CNBD1: variants seen among roughly 807,000 people sequenced by gnomAD.
CNBD1 encodes cyclic nucleotide-binding domain-containing protein 1.
CNBD1 carries 71 observed loss-of-function variants against 54.4 expected under a neutral mutation model. The ratio of observed to expected loss-of-function variants is 1.30; its 90% CI spans 1.08 to 1.59. The LOEUF (loss-of-function observed/expected upper bound fraction) is 1.59. Ranked by LOEUF, CNBD1 falls within the 40% of genes most tolerant of loss-of-function variation. The pLI is 0.00. For missense variants in CNBD1, 659 were observed against 518.0 expected, an observed-to-expected ratio of 1.27 and a Z score of -2.64; for synonymous variants, 182 against 170.7, an observed-to-expected ratio of 1.07 and a Z score of -0.51.
At chr8:87,425,124 G>C (rs1299990304) in intron 2 of CNBD1, among the ~76,000 whole-genome samples, 1 of 151,934 alleles carries the variant, frequency 6.6e-6, no homozygotes. Context: ...GGCTCCTGAG[G>C]CTTCTGCATT....
At chr8:87,211,740 C>T (rs1285849985) in intron 5 of CNBD1, among the ~76,000 whole-genome samples, 1 of 152,198 alleles carries the variant, frequency 6.6e-6, no homozygotes, top group African/African-American at 2.4e-5. Context: ...CTGCCATGCT[C>T]ATGCAGCCTG....
intron 4 of CNBD1, among the ~76,000 whole-genome samples, chr8:87,083,670 G>T: frequency 6.8e-6 from 1 of 146,416 alleles, no homozygotes; most frequent in East Asian, 2.0e-4. Context: ...CTAAGTGCAA[G>T]CTCCGCCTCC....
At chr8:87,421,655 T>G (rs1301448366) in intron 2 of CNBD1, among the ~76,000 whole-genome samples, 1 of 151,872 alleles carries the variant, frequency 6.6e-6, no homozygotes, top group Non-Finnish European at 1.5e-5. Flanking sequence ...GTGCCACATT[T>G]TCTTAATCCA....
At chr8:87,266,588 A>AT (rs1162535609) in intron 6 of CNBD1, among the ~76,000 whole-genome samples, 1 of 151,374 alleles carries the variant, frequency 6.6e-6, no homozygotes, top group African/African-American at 2.4e-5. Flanking sequence ...AGTAGCTGGG[A>AT]TTACAGGCGT....
intron 4 of CNBD1, among the ~76,000 whole-genome samples, chr8:87,078,611 G>A (rs1352842310): frequency 6.6e-6 from 1 of 152,118 alleles, no homozygotes; most frequent in Non-Finnish European, 1.5e-5. Flanking sequence ...CCATTTACGA[G>A]GAGTTTGCTG....
At chr8:87,075,366 T>G (rs1236070534) in intron 4 of CNBD1, among the ~76,000 whole-genome samples, 1 of 152,180 alleles carries the variant, frequency 6.6e-6, no homozygotes, top group African/African-American at 2.4e-5. Context: ...CCCACTGGTC[T>G]TAAAGCTCAA....
At chr8:87,126,482 T>A (rs1407976761) in intron 4 of CNBD1, among the ~76,000 whole-genome samples, 1 of 152,074 alleles carries the variant, frequency 6.6e-6, no homozygotes, top group Non-Finnish European at 1.5e-5. Context: ...CTTATGTCCA[T>A]TTGTTTTTTA....
chr8:87,426,286 G>T (rs193278449), intron 2 of CNBD1, among the ~76,000 whole-genome samples: 3 of 152,322 alleles, frequency 2.0e-5, no homozygotes, highest in Non-Finnish European at 1.5e-5. Flanking sequence ...CTTCTGCGTC[G>T]CTCAGGCTGG....
At chr8:87,017,866 T>G in intron 4 of CNBD1, among the ~76,000 whole-genome samples, 1 of 152,198 alleles carries the variant, frequency 6.6e-6, no homozygotes, top group East Asian at 1.9e-4. Context: ...TAATAATTTT[T>G]TAAAAAACAA....
intron 5 of CNBD1, 112 bp from the exon 6 acceptor site, chr8:87,236,807 T>C (rs1586353476): frequency 3.5e-6 from 2 of 576,912 alleles, no homozygotes; most frequent in East Asian, 5.7e-5. Flanking sequence ...TGTTACAGAA[T>C]ACACTGAAAG....
At chr8:87,095,052 G>A (rs1398501262) in intron 4 of CNBD1, among the ~76,000 whole-genome samples, 1 of 152,134 alleles carries the variant, frequency 6.6e-6, no homozygotes, top group Non-Finnish European at 1.5e-5. Flanking sequence ...AAAAAACAAA[G>A]TAATAATTTA....
At position 86,951,581 on chromosome 8, in the gene CNBD1, C is replaced by CAAAAAAAAAAAAAAAAAAAAAAAAAAA. The variant is rs71275901; in HGVS notation, c.431+11839_431+11865dup. On this transcript the variant is annotated intron_variant, in intron 4 of 10. Transcript: ENST00000518476. ...GGTGACAGAGCGAGGCTCCGTCTCA[C>CAAAAAAAAAAAAAAAAAAAAAAAAAAA]AAAAAAAAAAAAAAAAAAAAAAAAA... 4.3e-4 allele frequency among the ~76,000 whole-genome samples: 16 copies of CAAAAAAAAAAAAAAAAAAAAAAAAAAA among 37,360 alleles called. 6 individuals are homozygous for CAAAAAAAAAAAAAAAAAAAAAAAAAAA. The highest frequency in any genetic ancestry group is 1.8e-3 in the East Asian group (2 of 1,124). 24.5% of individuals were successfully genotyped at this position (37,360 alleles called of 152,430 possible).
chr8:86,902,046 T>G (rs1808946603), intron 2 of CNBD1, among the ~76,000 whole-genome samples: 1 of 152,166 alleles, frequency 6.6e-6, no homozygotes, highest in African/African-American at 2.4e-5. Flanking sequence ...TAATTTAAAC[T>G]TTATATGCAT....
intron 8 of CNBD1, among the ~76,000 whole-genome samples, chr8:87,342,852 G>A (rs1320846323): frequency 1.3e-5 from 2 of 152,114 alleles, no homozygotes; most frequent in African/African-American, 4.8e-5. Flanking sequence ...CACTGTGCAC[G>A]CATTGTCTTG....
At chr8:87,349,016 C>A (rs1810229184) in intron 8 of CNBD1, among the ~76,000 whole-genome samples, 1 of 152,082 alleles carries the variant, frequency 6.6e-6, no homozygotes, top group Non-Finnish European at 1.5e-5. Flanking sequence ...TGATAAGGGT[C>A]TTTAAATATT....
Position 86,900,245 on chromosome 8 carries a change from C to T in CNBD1, c.159-4836C>T, listed in dbSNP as rs78039777. On this transcript the variant is annotated intron_variant, in intron 2 of 10. Transcript: ENST00000518476. ...GTATGTTCTTCTAAGGTATAAGATACGTTCTACACTACAGGAATATGAGTG... is the reference window on the plus strand; with the variant it reads ...GTATGTTCTTCTAAGGTATAAGATATGTTCTACACTACAGGAATATGAGTG... 8.0e-5 allele frequency among the ~76,000 whole-genome samples: 12 copies of T among 149,364 alleles called. No individual in the cohort carries two copies. In the East Asian group the frequency reaches 1.2e-3, roughly 14 times the overall value.
In CNBD1 at chr8:87,225,082, C is replaced by T. The variant is rs1483185410; in HGVS notation, c.578-11837C>T. ...TGTATAGGAATGCTTGTGATTTTTG[C>T]ACATTGATTTTGTATCCTGAGACTT... On this transcript the variant is annotated intron_variant, in intron 5 of 10. Coordinates refer to ENST00000518476, the MANE Select transcript of CNBD1 (RefSeq NM_173538.3). Among the ~76,000 whole-genome samples, 12 of 151,180 alleles carry T rather than the reference C, an allele frequency of 7.9e-5. No individual in the cohort carries two copies. The Middle Eastern group carries it at 0.01, about 129-fold the overall frequency.
In CNBD1 at chr8:86,873,100, T is replaced by G. The variant is rs1295181073; in HGVS notation, c.88+6517T>G. 2.8e-5 allele frequency among the ~76,000 whole-genome samples: 4 copies of G among 144,616 alleles called. No individual in the cohort carries two copies. In the South Asian group the frequency reaches 6.5e-4, roughly 23 times the overall value. The allele number at this position is 144,616 out of a possible 152,430, so 94.9% of individuals were successfully genotyped here. A position where few individuals can be genotyped will look rare whatever the true frequency, so the allele number is the denominator to read the frequency against. On this transcript the variant is annotated intron_variant, in intron 1 of 10. Coordinates refer to ENST00000518476, the MANE Select transcript of CNBD1 (RefSeq NM_173538.3). ...TTTTGTTGTTGTTGTTGTTGTTGTTTTAGTTTTTTTTTTTTTTTGAGATGG... is the reference window on the plus strand; with the variant it reads ...TTTTGTTGTTGTTGTTGTTGTTGTTGTAGTTTTTTTTTTTTTTTGAGATGG...
chr8:87,365,555 A>G (rs1810626181), intron 10 of CNBD1, among the ~76,000 whole-genome samples: 1 of 152,012 alleles, frequency 6.6e-6, no homozygotes, highest in South Asian at 2.1e-4. Flanking sequence ...GTAATCCTTT[A>G]TGAATTTTAT....
Sources: gnomAD v4.1 joint callset for allele counts (sites outside exome capture counted in the v4.1 genomes callset) on GRCh38, gnomAD v4.1.1 for gene constraint, MANE v1.5 for transcripts, NCBI Gene and HGNC (gene_info 2026-07-23, HGNC 2026-07-21) for gene names.